Variants in STRN observed in about 807,000 individuals in gnomAD.
STRN encodes the protein protein phosphatase 2 regulatory subunit B'''alpha.
In STRN, 53 loss-of-function variants were observed where a neutral mutation model predicts 96.3. The observed-to-expected ratio is 0.55, with a 90% CI of 0.44 to 0.69. The LOEUF (loss-of-function observed/expected upper bound fraction) is 0.69. STRN is among the 30% of genes least tolerant of loss of function. The pLI, the probability that STRN is intolerant of heterozygous loss-of-function variation, is 0.00. For missense variants in STRN, 987 were observed against 963.9 expected, an observed-to-expected ratio of 1.02 and a Z score of -0.32; for synonymous variants, 428 against 355.9, an observed-to-expected ratio of 1.20 and a Z score of -2.28.
At chr2:36,936,592 TGTAA>T (rs1195877084) in intron 1 of STRN, among the ~76,000 whole-genome samples, 4 of 152,304 alleles carry the variant, frequency 2.6e-5, no homozygotes, top group Admixed American at 1.3e-4. Flanking sequence ...ACTACATGTA[TGTAA>T]GTGACTAATA....
chr2:36,901,214 T>C (rs1283546544), intron 5 of STRN, among the ~76,000 whole-genome samples: 1 of 152,142 alleles, frequency 6.6e-6, no homozygotes, highest in African/African-American at 2.4e-5. Flanking sequence ...TCCCTCAAAG[T>C]CTTTACTGAA....
chr2:36,920,119 A>C (rs1171166737), intron 2 of STRN, among the ~76,000 whole-genome samples: 1 of 152,224 alleles, frequency 6.6e-6, no homozygotes, highest in East Asian at 1.9e-4. Context: ...ATTAAAATAG[A>C]TCAAGGTGAA....
rs711244 is a variant in STRN at position 36,841,285 on chromosome 2, C to T, written c.*8171G>A. 61,940 of 151,500 alleles carry T rather than the reference C, an allele frequency of 0.41. 12,835 individuals carry two copies. The highest frequency in any genetic ancestry group is 0.54 in the East Asian group (2,773 of 5,140). The allele number at this position is 151,500 out of a possible 1,614,324, so 9.4% of individuals were successfully genotyped here. Reference sequence around the variant, plus strand: ...TCAGAGTTGGGAGAAAGCCTGATTCCTTCTGACCCTGAGATATACAAGGAA... The same window carrying T: ...TCAGAGTTGGGAGAAAGCCTGATTCTTTCTGACCCTGAGATATACAAGGAA... On this transcript the variant is annotated 3_prime_UTR_variant, in exon 18 of 18. Coordinates refer to ENST00000263918, the MANE Select transcript of STRN (RefSeq NM_003162.4).
At position 36,849,328 on chromosome 2, in the gene STRN, A is replaced by C. The variant is rs538743072; in HGVS notation, c.*128T>G. On this transcript the variant is annotated 3_prime_UTR_variant, in exon 18 of 18. Transcript: ENST00000263918. Reference sequence around the variant, plus strand: ...ATGAATTGCAAAACTATACTTCAACAAATGTTCTCTGTGCTCCTTCAGCAG... The same window carrying C: ...ATGAATTGCAAAACTATACTTCAACCAATGTTCTCTGTGCTCCTTCAGCAG... 1,456 of 1,127,888 alleles carry C rather than the reference A, an allele frequency of 1.3e-3. 2 individuals are homozygous for C. The highest frequency in any genetic ancestry group is 1.7e-3 in the Non-Finnish European group (1,375 of 801,350). The allele number at this position is 1,127,888 out of a possible 1,614,324, so 69.9% of individuals were successfully genotyped here.
At chr2:36,886,515 G>A (rs1292490158) in intron 8 of STRN, among the ~76,000 whole-genome samples, 1 of 152,046 alleles carries the variant, frequency 6.6e-6, no homozygotes, top group African/African-American at 2.4e-5. Context: ...GATTCCATAA[G>A]TACATGTGGG....
chr2:36,961,695 T>C (rs1665033480), intron 1 of STRN, among the ~76,000 whole-genome samples: 1 of 152,172 alleles, frequency 6.6e-6, no homozygotes, highest in Non-Finnish European at 1.5e-5. Context: ...AGGGGTCCCT[T>C]TTAAAGATGG....
rs193241120 is a variant in STRN, at chr2:36,887,316, C to T, written c.932-490G>A. Reference sequence around the variant, plus strand: ...AAATAAATAAATAAATAAATAAATACAAAATTAGCCGGGCATGGTACCTCA... The same window carrying T: ...AAATAAATAAATAAATAAATAAATATAAAATTAGCCGGGCATGGTACCTCA... On this transcript the variant is annotated intron_variant, in intron 7 of 17. Transcript: ENST00000263918. Among the ~76,000 whole-genome samples the T allele has an allele frequency of 3.7e-3, 438 of 118,976 alleles. 1 individual carries two copies. The highest frequency in any genetic ancestry group is 0.013 in the African/African-American group (427 of 34,102). 78.1% of individuals were successfully genotyped at this position (118,976 alleles called of 152,430 possible). A position where few individuals can be genotyped will look rare whatever the true frequency, so the allele number is the denominator to read the frequency against.
At chr2:36,886,866 A>T in intron 7 of STRN, 40 bp from the exon 8 acceptor site, 1 of 1,517,150 alleles carries the variant, frequency 6.6e-7, no homozygotes, top group Non-Finnish European at 9.1e-7. Context: ...TTTTTCAATA[A>T]AATATTGAAC....
chr2:36,862,740 C>CT (rs201207436), intron 12 of STRN, among the ~76,000 whole-genome samples: 3,382 of 144,298 alleles, frequency 0.023, 56 homozygotes, highest in African/African-American at 0.045. Flanking sequence ...TGTTTTTATT[C>CT]TTTTTTTTTT....
At chr2:36,867,699 T>TA (rs1446774806) in intron 12 of STRN, 115 bp downstream of exon 12, 8 of 632,674 alleles carry the variant, frequency 1.3e-5, no homozygotes, top group African/African-American at 3.8e-5. Context: ...TCTTTTACAT[T>TA]AAAAAAACAC....
intron 7 of STRN, among the ~76,000 whole-genome samples, chr2:36,889,127 C>T (rs1270860349): frequency 6.6e-6 from 1 of 152,092 alleles, no homozygotes; most frequent in Non-Finnish European, 1.5e-5. Flanking sequence ...TGAATGTAAG[C>T]ACCAGAAGAA....
intron 2 of STRN, among the ~76,000 whole-genome samples, chr2:36,923,752 G>A (rs1293029668): frequency 6.6e-6 from 1 of 151,060 alleles, no homozygotes; most frequent in Non-Finnish European, 1.5e-5. Flanking sequence ...TTCAAAAAGA[G>A]AAAAACAAAA....
At chr2:36,883,435 C>T (rs1016158131) in intron 9 of STRN, among the ~76,000 whole-genome samples, 3 of 151,682 alleles carry the variant, frequency 2.0e-5, no homozygotes, top group Non-Finnish European at 2.9e-5. Flanking sequence ...CCAGCCTGGG[C>T]GATAGAGCGA....
At chr2:36,861,049 T>C in intron 13 of STRN, 83 bp downstream of exon 13, 1 of 1,511,112 alleles carries the variant, frequency 6.6e-7, no homozygotes, top group Non-Finnish European at 8.9e-7. Context: ...CAAAAATCTC[T>C]TTATCTCTTC....
chr2:36,895,974 AC>A (rs1024828054), intron 6 of STRN, among the ~76,000 whole-genome samples: 3 of 151,510 alleles, frequency 2.0e-5, no homozygotes, highest in African/African-American at 7.3e-5. Flanking sequence ...CCAACAGGAC[AC>A]CCCAATTCTC....
intron 1 of STRN, among the ~76,000 whole-genome samples, chr2:36,927,351 T>C (rs1298521725): frequency 4.0e-5 from 6 of 151,620 alleles, no homozygotes; most frequent in African/African-American, 1.5e-4. Flanking sequence ...CCACAAAAAA[T>C]TTAAAAAATC....
At chr2:36,946,386 GA>G (rs1304529523) in intron 1 of STRN, among the ~76,000 whole-genome samples, 3 of 151,982 alleles carry the variant, frequency 2.0e-5, no homozygotes, top group Non-Finnish European at 4.4e-5. Context: ...AGATAAAATG[GA>G]AAAAAGATCC....
intron 1 of STRN, among the ~76,000 whole-genome samples, chr2:36,934,694 C>A (rs145439908): frequency 2.0e-5 from 3 of 152,180 alleles, no homozygotes; most frequent in Non-Finnish European, 2.9e-5. Context: ...CTCTTCCCAA[C>A]GGAAGAAGGC....
At chr2:36,889,709 C>T (rs1669336961) in intron 7 of STRN, among the ~76,000 whole-genome samples, 1 of 151,896 alleles carries the variant, frequency 6.6e-6, no homozygotes, top group Non-Finnish European at 1.5e-5. Flanking sequence ...GATTTGCAAC[C>T]TAGTTTTGTT....
Sources: allele counts gnomAD v4.1 joint callset (sites outside exome capture counted in the v4.1 genomes callset), GRCh38; gene constraint gnomAD v4.1.1; transcripts MANE v1.5; gene names NCBI Gene and HGNC (gene_info 2026-07-23, HGNC 2026-07-21).